The following SYNE1 variants were observed in gnomAD, a reference collection of about 807,000 sequenced individuals.
SYNE1 encodes nesprin-1.
Under a neutral mutation model 1,111.0 loss-of-function variants are expected in SYNE1, and 616 were observed. That is an observed-to-expected ratio of 0.55 (90% CI 0.52 to 0.59). The LOEUF is 0.59. Among genes scored for constraint, SYNE1 ranks in the 20% least tolerant of loss-of-function variants. The pLI is 0.00. For synonymous variants in SYNE1, 3,855 were observed against 3,825.8 expected (o/e 1.01, Z -0.28); for missense variants, 10,006 against 10,417.0 (o/e 0.96, Z 1.72).
In SYNE1 at chr6:152,307,965, T is replaced by C. The variant is rs570319837; in HGVS notation, c.17346+524A>G. Among the ~76,000 whole-genome samples the C allele has an allele frequency of 7.8e-4, 119 of 152,260 alleles. 2 individuals carry two copies. The highest frequency in any genetic ancestry group is 3.4e-3 in the Middle Eastern group (1 of 294). ...CTCCTGCCTCAACCTCCGAAGTAGC[T>C]GGGATTACAGGCGCATGCCACCACA... On this transcript the variant is annotated intron_variant, in intron 91 of 145. Transcript: ENST00000367255.
intron 128 of SYNE1, among the ~76,000 whole-genome samples, chr6:152,184,627 C>CATAT (rs752571504): frequency 0.038 from 5,355 of 140,100 alleles, 102 homozygotes; most frequent in African/African-American, 0.057. Context: ...GGATTATACA[C>CATAT]ATATATAGAT....
chr6:152,620,009 A>C (rs528572397), intron 3 of SYNE1, among the ~76,000 whole-genome samples: 10 of 152,332 alleles, frequency 6.6e-5, no homozygotes, highest in Admixed American at 5.2e-4. Context: ...TTATTTTTCC[A>C]GAAATGATTT....
At chr6:152,337,631 T>C (rs1181129485) in intron 75 of SYNE1, among the ~76,000 whole-genome samples, 2 of 152,210 alleles carry the variant, frequency 1.3e-5, no homozygotes, top group Non-Finnish European at 2.9e-5. Flanking sequence ...CTAAAGCTGC[T>C]CTGATGGTTT....
chr6:152,342,346 C>G (rs1326968098), intron 74 of SYNE1, among the ~76,000 whole-genome samples: 1 of 152,150 alleles, frequency 6.6e-6, no homozygotes, highest in Non-Finnish European at 1.5e-5. Context: ...AACAAACAGC[C>G]ACAAGACAAG....
chr6:152,394,632 T>C (rs370791231), intron 51 of SYNE1, among the ~76,000 whole-genome samples: 2 of 151,940 alleles, frequency 1.3e-5, no homozygotes, highest in Non-Finnish European at 2.9e-5. Flanking sequence ...AATACTGTAG[T>C]TGGGAACAGG....
intron 127 of SYNE1, among the ~76,000 whole-genome samples, chr6:152,198,167 T>G (rs1337103722): frequency 2.0e-5 from 3 of 152,218 alleles, no homozygotes; most frequent in African/African-American, 7.2e-5. Context: ...AGCTTCTACT[T>G]CAACACTTGC....
Position 152,232,099 on chromosome 6 carries a change from C to G in SYNE1, c.20862+17G>C. ...GTCTGAAAATATGAAAAGTTAAAAA[C>G]AAAAAATTTTAATTACCTTATATTT... On this transcript the variant is annotated intron_variant, in intron 113 of 145. Transcript: ENST00000367255. 4 of 1,547,448 alleles carry G rather than the reference C, an allele frequency of 2.6e-6. No individual in the cohort carries two copies. Among genetic ancestry groups the G allele is most frequent in the Non-Finnish European group, 3.6e-6 (4 of 1,123,916 alleles).
intron 136 of SYNE1, among the ~76,000 whole-genome samples, chr6:152,149,233 A>G (rs941573952): frequency 2.0e-5 from 3 of 152,214 alleles, no homozygotes; most frequent in African/African-American, 4.8e-5. Flanking sequence ...AATGCTCAAA[A>G]CAATCCTTTG....
At position 152,540,011 on chromosome 6, in the gene SYNE1, C is replaced by G; in HGVS notation, c.78G>C (p.Glu26Asp). Residue 26 changes from glutamate to aspartate, a missense_variant, in exon 4 of 146, where the codon GAG becomes GAC. Physicochemically the swap from Glu to Asp is conservative, Grantham distance 45 (BLOSUM62 2). Transcript: ENST00000367255. ...TTGTGAAAGTTCGTTTTTGTACTAT[C>G]TCTTGCTCATCTAGAAGGAAAAAGA... ...NVMQRLQDEQ[E>D]IVQKRTFTKW... 3 of 1,613,822 alleles carry G rather than the reference C, an allele frequency of 1.9e-6. No homozygotes were observed. The highest frequency in any genetic ancestry group is 2.5e-6 in the Non-Finnish European group (3 of 1,179,874).
rs62428337 is a variant in SYNE1, at chr6:152,226,600, C to T, written c.21196-724G>A. On this transcript the variant is annotated intron_variant, in intron 115 of 145. Coordinates refer to ENST00000367255, the MANE Select transcript of SYNE1 (RefSeq NM_182961.4). ...GAAAAGATCTGGAGCTCATACTGAA[C>T]CTGTATCATAACCCTAATTTCTATT... Among the ~76,000 whole-genome samples, 420 of 152,270 alleles carry T rather than the reference C, an allele frequency of 2.8e-3. 1 individual carries two copies. The highest frequency in any genetic ancestry group is 5.2e-3 in the Non-Finnish European group (352 of 68,028).
chr6:152,347,011 C>T (rs761006554), intron 73 of SYNE1, 48 bp downstream of exon 73: 64 of 1,608,358 alleles, frequency 4.0e-5, no homozygotes, highest in Non-Finnish European at 5.4e-5. Context: ...ACTGCACAGC[C>T]TCTCCCCATA....
chr6:152,571,289 C>G (rs1328387551), intron 3 of SYNE1, among the ~76,000 whole-genome samples: 1 of 152,190 alleles, frequency 6.6e-6, no homozygotes, highest in Non-Finnish European at 1.5e-5. Context: ...TTTAAAATAA[C>G]AGCCTTGGCA....
At chr6:152,145,250 A>C in intron 137 of SYNE1, 1 of 564,506 alleles carries the variant, frequency 1.8e-6, no homozygotes, top group Admixed American at 2.9e-5. Flanking sequence ...GTCTATACCT[A>C]ATGAGACCAA....
chr6:152,323,172 C>T (rs1219268174), intron 82 of SYNE1, among the ~76,000 whole-genome samples: 1 of 152,144 alleles, frequency 6.6e-6, no homozygotes, highest in African/African-American at 2.4e-5. Flanking sequence ...AAGTAGGGGC[C>T]GGGCGCGGTG....
chr6:152,196,539 G>T (rs1376401015), intron 127 of SYNE1, among the ~76,000 whole-genome samples: 1 of 151,952 alleles, frequency 6.6e-6, no homozygotes, highest in South Asian at 2.1e-4. Flanking sequence ...AATGCAGCAG[G>T]TTCTCTTCTG....
chr6:152,444,642 T>G, intron 29 of SYNE1, 64 bp from the exon 30 acceptor site: 1 of 1,497,258 alleles, frequency 6.7e-7, no homozygotes, highest in Non-Finnish European at 9.1e-7. Context: ...TTGTATAATT[T>G]TTTTGGTAAG....
chr6:152,500,202 A>C (rs1397412456), intron 10 of SYNE1, among the ~76,000 whole-genome samples: 1 of 152,188 alleles, frequency 6.6e-6, no homozygotes, highest in East Asian at 1.9e-4. Flanking sequence ...GTGCTATATG[A>C]GGTAAGTCTA....
At chr6:152,458,539 C>T (rs1029062920) in intron 22 of SYNE1, among the ~76,000 whole-genome samples, 3 of 152,188 alleles carry the variant, frequency 2.0e-5, no homozygotes, top group South Asian at 4.1e-4. Context: ...CTGAGTCCAG[C>T]TAGACCATTC....
At chr6:152,154,203 T>C (rs1230657163) in intron 133 of SYNE1, among the ~76,000 whole-genome samples, 1 of 152,100 alleles carries the variant, frequency 6.6e-6, no homozygotes, top group Non-Finnish European at 1.5e-5. Flanking sequence ...AGCTGAGAAG[T>C]CAGAGCTTCA....
Sources: allele counts gnomAD v4.1 joint callset (sites outside exome capture counted in the v4.1 genomes callset), GRCh38; gene constraint gnomAD v4.1.1; transcripts MANE v1.5; gene names NCBI Gene and HGNC (gene_info 2026-07-23, HGNC 2026-07-21).